Variants in POLR2M observed in about 807,000 individuals in gnomAD.
The protein encoded by POLR2M is RNA polymerase II subunit M.
POLR2M carries 30 observed loss-of-function variants against 34.6 expected under a neutral mutation model. The observed-to-expected ratio is 0.87, with a 90% CI of 0.65 to 1.18. The LOEUF is 1.18. Among genes scored for constraint, POLR2M ranks in the 50% most tolerant of loss-of-function variants. The probability of loss-of-function intolerance (pLI) is 0.00; values close to 1 mark genes in which losing one functional copy is unlikely to be tolerated. For synonymous variants in POLR2M, 150 were observed against 166.7 expected, an observed-to-expected ratio of 0.90 and a Z score of 0.77; for missense variants, 432 against 448.7, an observed-to-expected ratio of 0.96 and a Z score of 0.34.
chr15:57,713,996 C>T (rs762269056), intron 3 of POLR2M, among the ~76,000 whole-genome samples: 16 of 151,718 alleles, frequency 1.1e-4, no homozygotes, highest in African/African-American at 3.6e-4. Flanking sequence ...CACAGGCACC[C>T]GCCACCACGC....
rs774134146 is a variant in POLR2M at position 57,714,593 on chromosome 15, C to T, written c.1021C>T (p.Arg341Trp). The change falls in exon 4 of 4, where the codon CGG becomes TGG. Residue 341 changes from arginine (R) to tryptophan (W), a missense_variant. Physicochemically the swap from Arg to Trp is moderately radical, Grantham distance 101. Transcript: ENST00000299638. ...KLAERLNIKMRSYNPEGESSG... is the reference protein window; with the variant it reads ...KLAERLNIKMWSYNPEGESSG... ...AGCTGAAAGACTGAATATTAAAATG[C>T]GGAGTTATAATCCAGAAGGGGAGTC... The T allele has an allele frequency of 1.1e-5, 18 of 1,613,420 alleles. No homozygotes were observed. Among genetic ancestry groups the T allele is most frequent in the African/African-American group, 5.3e-5 (4 of 74,878 alleles).
Position 57,709,212 on chromosome 15 carries a change from A to C in POLR2M, c.612A>C (p.Gln204His), listed in dbSNP as rs958144685. The C allele has an allele frequency of 5.6e-6, 9 of 1,614,246 alleles. No individual in the cohort carries two copies. The highest frequency in any genetic ancestry group is 7.6e-6 in the Non-Finnish European group (9 of 1,180,044). Residue 204 changes from glutamine to histidine, a missense_variant, in exon 2 of 4, where the codon CAA (glutamine) becomes CAC (histidine). Coordinates refer to ENST00000299638, the MANE Select transcript of POLR2M (RefSeq NM_015532.5). ...DRLQRITIAD[Q>H]GEQQSEENAS... ...TACAGAGGATCACCATTGCGGACCA[A>C]GGTGAACAACAGTCAGAAGAAAACG...
chr15:57,709,237 G>A lies in POLR2M; in HGVS notation c.637G>A (p.Ala213Thr), dbSNP rs546736463. 128 of 1,614,204 alleles carry A rather than the reference G, an allele frequency of 7.9e-5. 2 individuals are homozygous for A. In the South Asian group the frequency reaches 9.4e-4, roughly 12 times the overall value. ...DQGEQQSEEN[A>T]STKNLTGLSS... is the part of the protein sequence containing the mutation. ...AGGTGAACAACAGTCAGAAGAAAACGCAAGTACTAAGAACTTGACAGGCCT... is the reference window on the plus strand; with the variant it reads ...AGGTGAACAACAGTCAGAAGAAAACACAAGTACTAAGAACTTGACAGGCCT... Residue 213 changes from alanine to threonine, a missense_variant, in exon 2 of 4, where the codon GCA (alanine) becomes ACA (threonine). Physicochemically the swap from Ala to Thr is moderately conservative, Grantham distance 58. Coordinates refer to ENST00000299638, the MANE Select transcript of POLR2M (RefSeq NM_015532.5).
At chr15:57,712,888 T>G (rs548292744) in intron 3 of POLR2M, among the ~76,000 whole-genome samples, 3 of 152,244 alleles carry the variant, frequency 2.0e-5, no homozygotes, top group African/African-American at 7.2e-5. Flanking sequence ...TAGTAATAAT[T>G]TTAGCCTCCA....
Position 57,709,396 on chromosome 15 carries a change from GA to G in POLR2M, c.758+39del, listed in dbSNP as rs1478850777. ...GGAAACAGGCCTGTAACAGGAACGT[GA>G]TATTTGTTAAACTCAAAAATTTACG... On this transcript the variant is annotated intron_variant, in intron 2 of 3. Transcript: ENST00000299638. 3.2e-6 allele frequency: 5 copies of G among 1,567,920 alleles called. No homozygotes were observed. In the African/African-American group the frequency reaches 6.8e-5, roughly 21 times the overall value.
intron 3 of POLR2M, 46 bp from the exon 4 acceptor site, chr15:57,714,490 A>G (rs1567270861): frequency 2.5e-6 from 4 of 1,604,612 alleles, no homozygotes; most frequent in Non-Finnish European, 3.4e-6. Flanking sequence ...AATTGTAAGG[A>G]AGAGATGTGA....
chr15:57,716,611 G>T lies in POLR2M; in HGVS notation c.*1932G>T, dbSNP rs1185487533. The T allele has an allele frequency of 6.6e-6, 1 of 152,258 alleles. No homozygotes were observed. The highest frequency in any genetic ancestry group is 1.5e-5 in the Non-Finnish European group (1 of 68,040). The allele number at this position is 152,258 out of a possible 1,614,324, so 9.4% of individuals were successfully genotyped here. On this transcript the variant is annotated 3_prime_UTR_variant, in exon 4 of 4. Coordinates refer to ENST00000299638, the MANE Select transcript of POLR2M (RefSeq NM_015532.5). ...AATTTGTATTTGTTTTTCTTACTTAGTGAAGGTTGTGTTTTTTTTCATATT... is the reference window on the plus strand; with the variant it reads ...AATTTGTATTTGTTTTTCTTACTTATTGAAGGTTGTGTTTTTTTTCATATT...
rs148780978 is a variant in POLR2M at position 57,714,724 on chromosome 15, A to C, written c.*45A>C. 9,884 of 1,591,888 alleles carry C rather than the reference A, an allele frequency of 6.2e-3. 46 individuals carry two copies. The highest frequency in any genetic ancestry group is 7.7e-3 in the Non-Finnish European group (9,047 of 1,169,214). ...TGACGTTGAGATGTCATCATCTTACATCAGACTTTCTAACTAGTATCAAGA... is the reference window on the plus strand; with the variant it reads ...TGACGTTGAGATGTCATCATCTTACCTCAGACTTTCTAACTAGTATCAAGA... On this transcript the variant is annotated 3_prime_UTR_variant, in exon 4 of 4. Transcript: ENST00000299638.
At chr15:57,713,100 A>G (rs1394686008) in intron 3 of POLR2M, among the ~76,000 whole-genome samples, 3 of 151,876 alleles carry the variant, frequency 2.0e-5, no homozygotes, top group African/African-American at 7.2e-5. Context: ...GGGCTGAGGT[A>G]GGAGGATTGC....
Position 57,708,982 on chromosome 15 carries a change from C to G in POLR2M, c.382C>G (p.Gln128Glu). The change falls in exon 2 of 4, where the codon CAA becomes GAA. Residue 128 changes from glutamine to glutamate, a missense_variant. Physicochemically the swap from Gln to Glu is conservative, Grantham distance 29 (BLOSUM62 2). Coordinates refer to ENST00000299638, the MANE Select transcript of POLR2M (RefSeq NM_015532.5). ...TAACATCAAGTCATCTCAAACCTCA[C>G]AAAACCAGGGACTTGGACGTCCTAC... The part of the protein sequence containing the change: ...VDNIKSSQTS[Q>E]NQGLGRPTLE... 6.2e-7 allele frequency: 1 copy of G among 1,614,042 alleles called. No homozygotes were observed. The highest frequency in any genetic ancestry group is 8.5e-7 in the Non-Finnish European group (1 of 1,179,926).
chr15:57,711,821 C>G (rs561662002), intron 2 of POLR2M, among the ~76,000 whole-genome samples, 163 bp from the exon 3 acceptor site: 13 of 151,306 alleles, frequency 8.6e-5, no homozygotes, highest in African/African-American at 2.9e-4. Context: ...TGTATGCACA[C>G]AAACACACCC....
intron 1 of POLR2M, among the ~76,000 whole-genome samples, chr15:57,708,188 A>G (rs1176538537): frequency 6.6e-6 from 1 of 152,260 alleles, no homozygotes; most frequent in Non-Finnish European, 1.5e-5. Context: ...CTTATCAGAA[A>G]TACGTCTGAA....
At position 57,717,126 on chromosome 15, in the gene POLR2M, A is replaced by G. The variant is rs2040978333; in HGVS notation, c.*2447A>G. 6.6e-6 allele frequency: 1 copy of G among 152,152 alleles called. No individual in the cohort carries two copies. Among genetic ancestry groups the G allele is most frequent in the African/African-American group, 2.4e-5 (1 of 41,430 alleles). 9.4% of individuals were successfully genotyped at this position (152,152 alleles called of 1,614,324 possible). A position where few individuals can be genotyped will look rare whatever the true frequency, so the allele number is the denominator to read the frequency against. On this transcript the variant is annotated 3_prime_UTR_variant, in exon 4 of 4. Transcript: ENST00000299638. Reference sequence around the variant, plus strand: ...ACCACCATTTCCCCTCTGATTAGTAATGCTATTTTTATAGAATATTAAATT... The same window carrying G: ...ACCACCATTTCCCCTCTGATTAGTAGTGCTATTTTTATAGAATATTAAATT...
Position 57,711,987 on chromosome 15 carries a change from A to G in POLR2M, c.762A>G (p.Leu254=). 6.2e-7 allele frequency: 1 copy of G among 1,613,992 alleles called. No homozygotes were observed. Among genetic ancestry groups the G allele is most frequent in the Non-Finnish European group, 8.5e-7 (1 of 1,179,876 alleles). ...ACACAAGTTTTCCTTTCATCAGGTT[A>G]CCTTTTCGACAAAATGATTCATCTA... is the stretch of plus-strand genomic sequence containing the variant. ...PQLRKFKTNV[L]PFRQNDSSSH... The change falls in exon 3 of 4, where the codon TTA becomes TTG. Residue 254 remains leucine (L), a synonymous_variant. Coordinates refer to ENST00000299638, the MANE Select transcript of POLR2M (RefSeq NM_015532.5).
chr15:57,709,358 T>C lies in POLR2M; in HGVS notation c.758T>C (p.Val253Ala). The C allele has an allele frequency of 6.2e-7, 1 of 1,608,220 alleles. No homozygotes were observed. The highest frequency in any genetic ancestry group is 8.5e-7 in the Non-Finnish European group (1 of 1,176,972). ...CAGCTGCGTAAATTTAAAACCAATGTGTAAGTACCCTCGGAAACAGGCCTG... is the reference window on the plus strand; with the variant it reads ...CAGCTGCGTAAATTTAAAACCAATGCGTAAGTACCCTCGGAAACAGGCCTG... The part of the protein sequence containing the change: ...VPQLRKFKTN[V>A]LPFRQNDSSS... Residue 253 changes from valine to alanine, a missense_variant and splice_region_variant, in exon 2 of 4, where the codon GTG becomes GCG. Transcript: ENST00000299638.
rs2040966541 is a variant in POLR2M at position 57,716,840 on chromosome 15, T to G, written c.*2161T>G. On this transcript the variant is annotated 3_prime_UTR_variant, in exon 4 of 4. Transcript: ENST00000299638. ...ATAGAAGTTGTTTTCTTTAGGAGTCTACCTTTGTGTATGTGCTTGAAAGTA... is the reference window on the plus strand; with the variant it reads ...ATAGAAGTTGTTTTCTTTAGGAGTCGACCTTTGTGTATGTGCTTGAAAGTA... 6.6e-6 allele frequency: 1 copy of G among 152,232 alleles called. No individual in the cohort carries two copies. Among genetic ancestry groups the G allele is most frequent in the African/African-American group, 2.4e-5 (1 of 41,472 alleles). 9.4% of individuals were successfully genotyped at this position (152,232 alleles called of 1,614,324 possible).
At chr15:57,709,488 A>G in intron 2 of POLR2M, 130 bp downstream of exon 2, 2 of 1,073,784 alleles carry the variant, frequency 1.9e-6, no homozygotes. Context: ...GTGGGAAGAC[A>G]GCTTTGAGTC....
Position 57,717,136 on chromosome 15 carries a change from T to C in POLR2M, c.*2457T>C, listed in dbSNP as rs1248359840. 1.3e-5 allele frequency: 2 copies of C among 152,224 alleles called. No individual in the cohort carries two copies. The highest frequency in any genetic ancestry group is 2.4e-5 in the African/African-American group (1 of 41,460). 9.4% of individuals were successfully genotyped at this position (152,224 alleles called of 1,614,324 possible). The stretch of plus-strand genomic sequence containing the variant: ...CCCCTCTGATTAGTAATGCTATTTT[T>C]ATAGAATATTAAATTCTTATGTGTC... On this transcript the variant is annotated 3_prime_UTR_variant, in exon 4 of 4. Transcript: ENST00000299638.
rs2040886190 is a variant in POLR2M, at chr15:57,715,010, C to G, written c.*331C>G. On this transcript the variant is annotated 3_prime_UTR_variant, in exon 4 of 4. Transcript: ENST00000299638. ...ACTTTGCTTTTTTCCTTTTTCTTAC[C>G]TATCAAATAGCATTTATTACATGTC... 1 of 220,710 alleles carries G rather than the reference C, an allele frequency of 4.5e-6. No homozygotes were observed. Among genetic ancestry groups the G allele is most frequent in the Non-Finnish European group, 8.8e-6 (1 of 113,294 alleles). The allele number at this position is 220,710 out of a possible 1,614,324, so 13.7% of individuals were successfully genotyped here.
Sources: allele counts gnomAD v4.1 joint callset (sites outside exome capture counted in the v4.1 genomes callset), GRCh38; gene constraint gnomAD v4.1.1; transcripts MANE v1.5; gene names NCBI Gene and HGNC (gene_info 2026-07-23, HGNC 2026-07-21).